Variants in NTN4 observed in about 807,000 individuals in gnomAD.
The protein encoded by NTN4 is netrin-4.
NTN4 carries 32 observed loss-of-function variants against 73.6 expected under a neutral mutation model. The ratio of observed to expected loss-of-function variants is 0.44; its 90% CI spans 0.33 to 0.58. NTN4 has a LOEUF of 0.58. NTN4 is among the 20% of genes least tolerant of loss of function. NTN4 has a pLI of 0.04. For synonymous variants in NTN4, 258 were observed against 287.5 expected (o/e 0.90, Z 1.04); for missense variants, 654 against 798.3 (o/e 0.82, Z 2.18).
chr12:95,699,040 A>AG (rs2078463331), intron 5 of NTN4, among the ~76,000 whole-genome samples: 1 of 150,642 alleles, frequency 6.6e-6, no homozygotes, highest in Non-Finnish European at 1.5e-5. Flanking sequence ...AAAAAAAAAA[A>AG]GCTGAGATTA....
At chr12:95,662,509 G>C (rs1339151381) in intron 9 of NTN4, among the ~76,000 whole-genome samples, 2 of 152,018 alleles carry the variant, frequency 1.3e-5, no homozygotes, top group African/African-American at 4.8e-5. Flanking sequence ...GGGATTACAG[G>C]TGTGAACCAC....
At chr12:95,773,848 C>G (rs10859946) in intron 2 of NTN4, among the ~76,000 whole-genome samples, 93,254 of 151,922 alleles carry the variant, frequency 0.61, 29,287 homozygotes, top group South Asian at 0.78. Context: ...CATTAGATGA[C>G]TTCATTAGAA....
At chr12:95,696,690 A>C (rs2078444887) in intron 5 of NTN4, among the ~76,000 whole-genome samples, 1 of 152,176 alleles carries the variant, frequency 6.6e-6, no homozygotes, top group African/African-American at 2.4e-5. Flanking sequence ...GTTTCTGTGA[A>C]TAATATCTTA....
intron 4 of NTN4, among the ~76,000 whole-genome samples, chr12:95,711,216 T>A (rs1308881023): frequency 6.6e-6 from 1 of 152,132 alleles, no homozygotes; most frequent in African/African-American, 2.4e-5. Context: ...AGGCTGTTAA[T>A]TAAAAAAAAT....
At chr12:95,662,288 T>TG (rs1242422056) in intron 9 of NTN4, among the ~76,000 whole-genome samples, 2 of 144,560 alleles carry the variant, frequency 1.4e-5, no homozygotes, top group African/African-American at 5.1e-5. Context: ...TGACGTGCAG[T>TG]GGCACCATCT....
chr12:95,780,553 CTCA>C (rs1447391074), intron 2 of NTN4, among the ~76,000 whole-genome samples: 1 of 152,166 alleles, frequency 6.6e-6, no homozygotes, highest in Admixed American at 6.5e-5. Flanking sequence ...TGAAAAAATG[CTCA>C]TCATCACTGG....
chr12:95,673,563 G>C (rs1378400496), intron 7 of NTN4: 1 of 156,964 alleles, frequency 6.4e-6, no homozygotes, highest in Non-Finnish European at 1.4e-5. Context: ...CCTGACCCCA[G>C]AGGAGATGGC....
intron 3 of NTN4, among the ~76,000 whole-genome samples, chr12:95,729,640 T>A (rs867675886): frequency 0.047 from 6,380 of 135,828 alleles, 246 homozygotes; most frequent in African/African-American, 0.16. Context: ...AGAGTGTGTG[T>A]GTGTGTGTGT....
intron 3 of NTN4, among the ~76,000 whole-genome samples, chr12:95,722,804 G>A (rs899101258): frequency 1.5e-4 from 23 of 151,890 alleles, no homozygotes; most frequent in African/African-American, 5.1e-4. Flanking sequence ...GTGAAACTCT[G>A]TCTCTACGAA....
intron 1 of NTN4, 54 bp from the exon 2 acceptor site, chr12:95,787,522 T>C: frequency 6.4e-7 from 1 of 1,555,148 alleles, no homozygotes; most frequent in South Asian, 1.2e-5. Flanking sequence ...GAAAGCTCTT[T>C]TGGCCACCTA....
At chr12:95,777,012 T>A (rs373440642) in intron 2 of NTN4, among the ~76,000 whole-genome samples, 1 of 152,152 alleles carries the variant, frequency 6.6e-6, no homozygotes, top group Non-Finnish European at 1.5e-5. Flanking sequence ...ATATTCAACA[T>A]TCTTAAAGAA....
chr12:95,714,983 A>C (rs895542082), intron 3 of NTN4, among the ~76,000 whole-genome samples: 1 of 152,148 alleles, frequency 6.6e-6, no homozygotes, highest in Admixed American at 6.5e-5. Context: ...TGCTTGACCT[A>C]AGATAACACT....
chr12:95,747,143 G>A (rs2078868457), intron 2 of NTN4, among the ~76,000 whole-genome samples: 1 of 151,830 alleles, frequency 6.6e-6, no homozygotes, highest in East Asian at 1.9e-4. Context: ...TAGATAGAAA[G>A]GCATGAAAAA....
At chr12:95,757,581 G>A (rs913542013) in intron 2 of NTN4, among the ~76,000 whole-genome samples, 2 of 152,010 alleles carry the variant, frequency 1.3e-5, no homozygotes, top group Non-Finnish European at 2.9e-5. Flanking sequence ...GAACAGCCAC[G>A]TGTGAGAGGC....
At chr12:95,729,376 G>T (rs1413854593) in intron 3 of NTN4, among the ~76,000 whole-genome samples, 1 of 151,882 alleles carries the variant, frequency 6.6e-6, no homozygotes, top group Non-Finnish European at 1.5e-5. Flanking sequence ...TGCCAAATTA[G>T]AATCCCATAT....
chr12:95,771,420 T>G (rs1339063309), intron 2 of NTN4, among the ~76,000 whole-genome samples: 1 of 152,168 alleles, frequency 6.6e-6, no homozygotes, highest in Non-Finnish European at 1.5e-5. Flanking sequence ...TATTAATATA[T>G]TCAATACTAA....
intron 2 of NTN4, among the ~76,000 whole-genome samples, chr12:95,758,597 G>A (rs1315427356): frequency 6.6e-6 from 1 of 152,030 alleles, no homozygotes; most frequent in East Asian, 1.9e-4. Context: ...GTTTTGCCCT[G>A]TCGCTTGGGC....
At chr12:95,678,349 T>TAAAAAAAAAAAAAAAAAAAAAAAAA (rs59083360) in intron 7 of NTN4, among the ~76,000 whole-genome samples, 1 of 110,958 alleles carries the variant, frequency 9.0e-6, no homozygotes. Context: ...GAACTTAAAG[T>TAAAAAAAAAAAAAAAAAAAAAAAAA]AAAAAAAAAA....
At chr12:95,725,983 G>C (rs2078690844) in intron 3 of NTN4, among the ~76,000 whole-genome samples, 1 of 151,910 alleles carries the variant, frequency 6.6e-6, no homozygotes, top group Non-Finnish European at 1.5e-5. Context: ...TTTGAAATCA[G>C]TCAGTTTAAT....
Sources: gnomAD v4.1 joint callset for allele counts (sites outside exome capture counted in the v4.1 genomes callset) on GRCh38, gnomAD v4.1.1 for gene constraint, MANE v1.5 for transcripts, NCBI Gene and HGNC (gene_info 2026-07-23, HGNC 2026-07-21) for gene names.